The following CNTN5 variants were observed in gnomAD, a reference collection of about 807,000 sequenced individuals.
CNTN5 encodes contactin-5.
In CNTN5, 77 loss-of-function variants were observed where a neutral mutation model predicts 129.1. The observed-to-expected ratio is 0.60, with a 90% confidence interval of 0.50 to 0.72. CNTN5 has a LOEUF of 0.72. Ranked by LOEUF, CNTN5 falls within the 30% of genes least tolerant of loss-of-function variation. CNTN5 has a pLI of 0.00. For missense variants in CNTN5, 1,478 were observed against 1,328.8 expected (o/e 1.11, Z -1.75); for synonymous variants, 509 against 465.6 (o/e 1.09, Z -1.20).
intron 16 of CNTN5, among the ~76,000 whole-genome samples, chr11:100,240,769 T>C (rs893764131): frequency 6.6e-6 from 1 of 152,200 alleles, no homozygotes; most frequent in African/African-American, 2.4e-5. Flanking sequence ...AGTTTACCCA[T>C]ATATTGTCAA....
intron 3 of CNTN5, among the ~76,000 whole-genome samples, chr11:99,557,833 G>A (rs1948722580): frequency 6.6e-6 from 1 of 151,610 alleles, no homozygotes; most frequent in Admixed American, 6.6e-5. Context: ...TATATAAGTT[G>A]TTATGTGTTG....
At chr11:99,981,803 A>AT in intron 8 of CNTN5, among the ~76,000 whole-genome samples, 1 of 152,322 alleles carries the variant, frequency 6.6e-6, no homozygotes, top group Admixed American at 6.5e-5. Context: ...ACTAGCTCTT[A>AT]TCACTATGCT....
chr11:100,351,642 A>G (rs1952414617), intron 24 of CNTN5, among the ~76,000 whole-genome samples: 1 of 137,048 alleles, frequency 7.3e-6, no homozygotes, highest in Non-Finnish European at 1.5e-5. Flanking sequence ...GAAAGCAACC[A>G]TTTCGTAGAG....
intron 1 of CNTN5, among the ~76,000 whole-genome samples, chr11:99,093,721 A>C (rs1665497534): frequency 6.6e-6 from 1 of 152,048 alleles, no homozygotes; most frequent in Non-Finnish European, 1.5e-5. Flanking sequence ...CTGAGTTTAT[A>C]GCCCTTTACA....
At chr11:99,819,199 T>TC (rs1355651984) in intron 3 of CNTN5, among the ~76,000 whole-genome samples, 1 of 149,674 alleles carries the variant, frequency 6.7e-6, no homozygotes, top group African/African-American at 2.5e-5. Flanking sequence ...AAGCTTGGGC[T>TC]TTTGACTGTC....
chr11:100,028,453 A>G (rs1349478699), intron 9 of CNTN5, among the ~76,000 whole-genome samples: 1 of 152,218 alleles, frequency 6.6e-6, no homozygotes, highest in African/African-American at 2.4e-5. Flanking sequence ...AAGAGACTCA[A>G]TACATGAAGA....
intron 3 of CNTN5, among the ~76,000 whole-genome samples, chr11:99,747,754 G>A (rs938195803): frequency 6.6e-6 from 1 of 152,180 alleles, no homozygotes; most frequent in African/African-American, 2.4e-5. Flanking sequence ...TTACAGGCAT[G>A]AGCCACGGCA....
intron 8 of CNTN5, among the ~76,000 whole-genome samples, chr11:99,988,855 G>T (rs71474546): frequency 3.2e-5 from 1 of 30,976 alleles, no homozygotes; most frequent in Admixed American, 5.3e-4. Flanking sequence ...GTGTGTTTGT[G>T]TGTGTGTGTG....
chr11:99,942,986 T>A (rs1950474368), intron 7 of CNTN5, among the ~76,000 whole-genome samples: 1 of 152,118 alleles, frequency 6.6e-6, no homozygotes, highest in Admixed American at 6.6e-5. Flanking sequence ...TCTTTGCTAT[T>A]GTAAACAGTG....
chr11:100,318,904 C>T (rs539889133), intron 21 of CNTN5, among the ~76,000 whole-genome samples: 18 of 151,896 alleles, frequency 1.2e-4, no homozygotes, highest in Admixed American at 7.9e-4. Flanking sequence ...ACTAAATAGC[C>T]GAGACTTTAT....
intron 2 of CNTN5, among the ~76,000 whole-genome samples, chr11:99,359,625 T>A (rs1591570820): frequency 7.1e-6 from 1 of 140,456 alleles, no homozygotes; most frequent in African/African-American, 3.1e-5. Context: ...ATATATTTAT[T>A]TATATAAATA....
chr11:99,213,314 T>C (rs1371507616), intron 1 of CNTN5, among the ~76,000 whole-genome samples: 1 of 145,080 alleles, frequency 6.9e-6, no homozygotes, highest in Non-Finnish European at 1.5e-5. Flanking sequence ...TATATACATA[T>C]ATAAAATATA....
In CNTN5 at chr11:100,013,800, T is replaced by C. The variant is rs192693271; in HGVS notation, c.980+11664T>C. On this transcript the variant is annotated intron_variant, in intron 9 of 24. Coordinates refer to ENST00000524871, the MANE Select transcript of CNTN5 (RefSeq NM_014361.4). Reference sequence around the variant, plus strand: ...TATATTGCTACTTTTAAAGCCGATTTATCTAACAATAAACTTGCTTGAATA... The same window carrying C: ...TATATTGCTACTTTTAAAGCCGATTCATCTAACAATAAACTTGCTTGAATA... Among the ~76,000 whole-genome samples, 41 of 152,308 alleles carry C rather than the reference T, an allele frequency of 2.7e-4. 2 individuals are homozygous for C. The highest frequency in any genetic ancestry group is 1.4e-3 in the Admixed American group (21 of 15,288).
intron 3 of CNTN5, among the ~76,000 whole-genome samples, chr11:99,651,530 T>C (rs1464312706): frequency 6.6e-6 from 1 of 151,992 alleles, no homozygotes; most frequent in Non-Finnish European, 1.5e-5. Flanking sequence ...GTGACAGATA[T>C]AAAGTGTTTT....
At chr11:99,462,154 T>G (rs556244160) in intron 2 of CNTN5, among the ~76,000 whole-genome samples, 101 of 152,198 alleles carry the variant, frequency 6.6e-4, no homozygotes, top group African/African-American at 2.4e-3. Flanking sequence ...CCATTGAGAT[T>G]TACATGATCA....
At chr11:100,146,444 C>A (rs1394535896) in intron 13 of CNTN5, among the ~76,000 whole-genome samples, 1 of 152,038 alleles carries the variant, frequency 6.6e-6, no homozygotes, top group Non-Finnish European at 1.5e-5. Context: ...AACATTAGAT[C>A]TATGATTTTT....
intron 2 of CNTN5, among the ~76,000 whole-genome samples, chr11:99,412,137 T>C (rs908793221): frequency 6.6e-6 from 1 of 152,206 alleles, no homozygotes; most frequent in South Asian, 2.1e-4. Context: ...GTATGATTTT[T>C]ATATAGAAGA....
At chr11:99,958,765 A>G (rs1249216110) in intron 8 of CNTN5, among the ~76,000 whole-genome samples, 1 of 152,184 alleles carries the variant, frequency 6.6e-6, no homozygotes, top group Non-Finnish European at 1.5e-5. Context: ...ATTTCTTAAG[A>G]CGTTATTGCA....
rs185222570 is a variant in CNTN5 at position 99,340,594 on chromosome 11, G to A, written c.-71+15110G>A. 2.4e-3 allele frequency among the ~76,000 whole-genome samples: 373 copies of A among 152,272 alleles called. 1 individual carries two copies. Among genetic ancestry groups the A allele is most frequent in the Non-Finnish European group, 3.7e-3 (249 of 68,002 alleles). On this transcript the variant is annotated intron_variant, in intron 2 of 24. Coordinates refer to ENST00000524871, the MANE Select transcript of CNTN5 (RefSeq NM_014361.4). ...TAGGAGTGACTTTTTATTTGTTTTG[G>A]TGTTACTGTTACTTGCTAAGAGCTT...
Sources: allele counts gnomAD v4.1 joint callset (sites outside exome capture counted in the v4.1 genomes callset), GRCh38; gene constraint gnomAD v4.1.1; transcripts MANE v1.5; gene names NCBI Gene and HGNC (gene_info 2026-07-23, HGNC 2026-07-21).